Variants in KIAA1217 observed in about 807,000 individuals in gnomAD.
The protein encoded by KIAA1217 is KIAA1217.
A neutral mutation model predicts 163.9 loss-of-function variants in KIAA1217; 88 were observed. The ratio of observed to expected loss-of-function variants is 0.54; its 90% CI spans 0.45 to 0.64. KIAA1217 has a LOEUF of 0.64. Among genes scored for constraint, KIAA1217 ranks in the 30% least tolerant of loss-of-function variants. KIAA1217 has a pLI of 0.00. For synonymous variants in KIAA1217, 903 were observed against 923.1 expected, an observed-to-expected ratio of 0.98 and a Z score of 0.39; for missense variants, 2,372 against 2,475.0, an observed-to-expected ratio of 0.96 and a Z score of 0.88.
rs751177878 is a variant in KIAA1217, at chr10:24,515,577, A to G, written c.2177+2143A>G. 9.2e-5 allele frequency among the ~76,000 whole-genome samples: 14 copies of G among 152,222 alleles called. 1 individual carries two copies. Among genetic ancestry groups the G allele is most frequent in the Non-Finnish European group, 2.1e-4 (14 of 68,038 alleles). ...AAGGCCACAGATGAGTAAAAGAGGC[A>G]AAGAGCCCTTGAGGATCTTCAGTCT... On this transcript the variant is annotated intron_variant, in intron 10 of 20. Coordinates refer to ENST00000376454, the MANE Select transcript of KIAA1217 (RefSeq NM_019590.5).
intron 1 of KIAA1217, among the ~76,000 whole-genome samples, chr10:23,826,766 GGGCTATCATATTCTC>G (rs1431132957): frequency 6.6e-6 from 1 of 152,098 alleles, no homozygotes; most frequent in Non-Finnish European, 1.5e-5. Flanking sequence ...AATGCTCCAA[GGGCTATCATATTCTC>G]GGTTACTATT....
chr10:24,532,564 G>A (rs759308325), intron 15 of KIAA1217, among the ~76,000 whole-genome samples: 7 of 152,176 alleles, frequency 4.6e-5, no homozygotes, highest in South Asian at 4.1e-4. Context: ...GGCTGGGGAG[G>A]TCTCACAATT....
intron 1 of KIAA1217, among the ~76,000 whole-genome samples, chr10:23,758,172 G>A (rs1834018040): frequency 6.6e-6 from 1 of 152,122 alleles, no homozygotes. Context: ...TTTCTTCGAA[G>A]AGTTTTACAG....
At chr10:24,244,942 A>C (rs2073599057) in intron 2 of KIAA1217, among the ~76,000 whole-genome samples, 1 of 152,074 alleles carries the variant, frequency 6.6e-6, no homozygotes, top group African/African-American at 2.4e-5. Context: ...AACAGTCTTC[A>C]ACTTCCTGGT....
At chr10:24,158,042 G>A in intron 2 of KIAA1217, 1 of 756,850 alleles carries the variant, frequency 1.3e-6, no homozygotes, top group South Asian at 1.4e-5. Flanking sequence ...ACTTGCAGGT[G>A]GGTCACCACC....
chr10:24,207,337 C>A (rs191508267), upstream of KIAA1217, among the ~76,000 whole-genome samples: 283 of 149,978 alleles, frequency 1.9e-3, 1 homozygote, highest in African/African-American at 6.9e-3. Flanking sequence ...CCACCCTCCT[C>A]CCCACTCTTC....
chr10:24,065,193 T>C (rs1392020577), intron 2 of KIAA1217, among the ~76,000 whole-genome samples: 1 of 152,204 alleles, frequency 6.6e-6, no homozygotes, highest in Non-Finnish European at 1.5e-5. Context: ...AGCTTTTGAA[T>C]GTGTTTGCTC....
At chr10:24,258,250 T>A (rs2075365119) in intron 2 of KIAA1217, among the ~76,000 whole-genome samples, 1 of 152,068 alleles carries the variant, frequency 6.6e-6, no homozygotes, top group Non-Finnish European at 1.5e-5. Flanking sequence ...GAAGGGAAAG[T>A]GATTGTAGAC....
chr10:23,998,614 T>C (rs1014091160), intron 1 of KIAA1217, among the ~76,000 whole-genome samples: 2 of 152,266 alleles, frequency 1.3e-5, no homozygotes, highest in Non-Finnish European at 2.9e-5. Context: ...TCTACCATGT[T>C]TGATACAGTT....
rs947723389 is a variant in KIAA1217, at chr10:23,789,977, A to G, written c.-321+94743A>G. 2.4e-4 allele frequency among the ~76,000 whole-genome samples: 32 copies of G among 131,492 alleles called. 3 individuals are homozygous for G. Among genetic ancestry groups the G allele is most frequent in the South Asian group, 4.7e-4 (2 of 4,282 alleles). 86.3% of individuals were successfully genotyped at this position (131,492 alleles called of 152,430 possible). ...TATATATACACATATACATATACAT[A>G]TATACACATATACATATACACATAT... On this transcript the variant is annotated intron_variant, in intron 1 of 18. Transcript: ENST00000376462.
intron 1 of KIAA1217, among the ~76,000 whole-genome samples, chr10:23,839,461 C>T (rs1266821197): frequency 6.6e-6 from 1 of 152,070 alleles, no homozygotes; most frequent in Non-Finnish European, 1.5e-5. Flanking sequence ...ACAGGGCAAG[C>T]GAAATCTCCT....
At chr10:23,801,037 G>A (rs940117425) in intron 1 of KIAA1217, among the ~76,000 whole-genome samples, 5 of 152,140 alleles carry the variant, frequency 3.3e-5, no homozygotes, top group African/African-American at 1.2e-4. Flanking sequence ...TATGTTTATT[G>A]CAGCACTGTT....
At position 23,884,962 on chromosome 10, in the gene KIAA1217, C is replaced by T. The variant is rs1022005825; in HGVS notation, c.-320-122263C>T. 7.9e-5 allele frequency among the ~76,000 whole-genome samples: 12 copies of T among 151,876 alleles called. 1 individual carries two copies. The highest frequency in any genetic ancestry group is 7.2e-4 in the Admixed American group (11 of 15,226). On this transcript the variant is annotated intron_variant, in intron 1 of 18. Coordinates refer to the KIAA1217 transcript ENST00000376462. The stretch of plus-strand genomic sequence containing the variant: ...GAAGTTTAATTTAAACACAATTGTT[C>T]GGAGTGGGTCTGCCACCTTTCCTCT...
intron 1 of KIAA1217, among the ~76,000 whole-genome samples, chr10:23,829,051 T>C (rs937384045): frequency 6.6e-6 from 1 of 152,200 alleles, no homozygotes; most frequent in Non-Finnish European, 1.5e-5. Context: ...TCCCTTTTCC[T>C]AAGCACTTTT....
intron 3 of KIAA1217, among the ~76,000 whole-genome samples, chr10:24,398,888 A>G (rs1332905980): frequency 6.6e-6 from 1 of 152,076 alleles, no homozygotes; most frequent in Non-Finnish European, 1.5e-5. Flanking sequence ...CCAGTTACCA[A>G]TTTCAAGTGT....
chr10:23,734,664 TA>T (rs1438441207), intron 1 of KIAA1217, among the ~76,000 whole-genome samples: 1 of 151,836 alleles, frequency 6.6e-6, no homozygotes, highest in Non-Finnish European at 1.5e-5. Flanking sequence ...TGGATTTTTT[TA>T]AAAAATATTC....
intron 2 of KIAA1217, among the ~76,000 whole-genome samples, chr10:24,009,199 G>C (rs1847140019): frequency 6.6e-6 from 1 of 152,130 alleles, no homozygotes; most frequent in Non-Finnish European, 1.5e-5. Flanking sequence ...AACTTAACTG[G>C]CATCTTTTTT....
chr10:23,943,716 C>T (rs1337775344), intron 1 of KIAA1217, among the ~76,000 whole-genome samples: 1 of 152,170 alleles, frequency 6.6e-6, no homozygotes, highest in Non-Finnish European at 1.5e-5. Flanking sequence ...TACCTGATAT[C>T]AAGACTTCTA....
At chr10:24,204,209 C>T (rs1471889867), upstream of KIAA1217, among the ~76,000 whole-genome samples, 1 of 152,088 alleles carries the variant, frequency 6.6e-6, no homozygotes, top group Non-Finnish European at 1.5e-5. Context: ...TCCTGGGCAC[C>T]TCACTTATTG....
Sources: allele counts gnomAD v4.1 joint callset (sites outside exome capture counted in the v4.1 genomes callset), GRCh38; gene constraint gnomAD v4.1.1; transcripts MANE v1.5; gene names NCBI Gene and HGNC (gene_info 2026-07-23, HGNC 2026-07-21).